Variants in RASSF8 observed in about 807,000 individuals in gnomAD.
The protein encoded by RASSF8 is ras association domain-containing protein 8.
RASSF8 carries 22 observed loss-of-function variants against 48.5 expected under a neutral mutation model. The ratio of observed to expected loss-of-function variants is 0.45; its 90% confidence interval spans 0.32 to 0.65. The LOEUF (loss-of-function observed/expected upper bound fraction) is 0.65. Ranked by LOEUF, RASSF8 falls within the 30% of genes least tolerant of loss-of-function variation. The pLI, the probability that RASSF8 is intolerant of heterozygous loss-of-function variation, is 0.03. For missense variants in RASSF8, 418 were observed against 489.2 expected (o/e 0.85, Z 1.37); for synonymous variants, 127 against 171.5 (o/e 0.74, Z 2.03).
At chr12:26,039,550 C>T (rs1943221228) in intron 2 of RASSF8, among the ~76,000 whole-genome samples, 1 of 152,014 alleles carries the variant, frequency 6.6e-6, no homozygotes, top group Admixed American at 6.6e-5. Context: ...TAAGACTTAT[C>T]AACACTATTT....
At chr12:26,060,992 T>A (rs1178969935) in intron 3 of RASSF8, among the ~76,000 whole-genome samples, 2 of 152,148 alleles carry the variant, frequency 1.3e-5, no homozygotes, top group Admixed American at 1.3e-4. Flanking sequence ...CAAATGTCAG[T>A]TAAAATGAAG....
At chr12:25,975,418 G>A (rs138478694) in intron 1 of RASSF8, among the ~76,000 whole-genome samples, 5 of 152,224 alleles carry the variant, frequency 3.3e-5, no homozygotes, top group Non-Finnish European at 7.4e-5. Context: ...CAGCTTTTCC[G>A]GTCTTTGTCC....
At chr12:26,030,110 A>G (rs1942996908) in intron 2 of RASSF8, among the ~76,000 whole-genome samples, 1 of 152,346 alleles carries the variant, frequency 6.6e-6, no homozygotes, top group Middle Eastern at 3.4e-3. Context: ...CCGTATGTCT[A>G]AATTGTCTCA....
At chr12:26,024,421 C>T (rs949570670) in intron 2 of RASSF8, among the ~76,000 whole-genome samples, 4 of 152,214 alleles carry the variant, frequency 2.6e-5, no homozygotes, top group African/African-American at 7.2e-5. Flanking sequence ...ACCAATTCTT[C>T]ATGAACTCTT....
intron 2 of RASSF8, among the ~76,000 whole-genome samples, chr12:26,005,872 A>G (rs750684130): frequency 1.3e-5 from 2 of 152,200 alleles, no homozygotes; most frequent in Admixed American, 1.3e-4. Flanking sequence ...TCCAATTTCA[A>G]TACTTGTGAC....
chr12:25,989,092 C>T (rs1387596015), intron 1 of RASSF8, among the ~76,000 whole-genome samples: 1 of 152,168 alleles, frequency 6.6e-6, no homozygotes, highest in Non-Finnish European at 1.5e-5. Context: ...TTTACAATGT[C>T]TCCTTTGCAG....
At position 26,065,336 on chromosome 12, in the gene RASSF8, T is replaced by C. The variant is rs750961955; in HGVS notation, c.942T>C (p.Asn314=). Residue 314 remains asparagine, a synonymous_variant, in exon 4 of 6, where the codon AAT becomes AAC. Coordinates refer to ENST00000689635, the MANE Select transcript of RASSF8 (RefSeq NM_001394098.1). ...IQGQQSLRLE[N]GIKAVERSLG... ...GCCAGCAGAGTCTGAGGTTGGAAAA[T>C]GGCATCAAAGCTGTGGAAAGATCTC... 6.2e-7 allele frequency: 1 copy of C among 1,613,852 alleles called. No homozygotes were observed. The highest frequency in any genetic ancestry group is 1.3e-5 in the African/African-American group (1 of 74,852).
At chr12:26,046,996 G>C (rs1943385799) in intron 2 of RASSF8, among the ~76,000 whole-genome samples, 1 of 152,212 alleles carries the variant, frequency 6.6e-6, no homozygotes, top group Non-Finnish European at 1.5e-5. Flanking sequence ...GCAGAGTTCA[G>C]GGATTTTCAC....
chr12:26,017,013 AT>A (rs1176742657), intron 2 of RASSF8, among the ~76,000 whole-genome samples: 1 of 151,854 alleles, frequency 6.6e-6, no homozygotes, highest in East Asian at 1.9e-4. Context: ...TTCCACTGGA[AT>A]TTTTTTTCCT....
chr12:25,968,101 G>C (rs1213229591), intron 1 of RASSF8, among the ~76,000 whole-genome samples: 1 of 152,268 alleles, frequency 6.6e-6, no homozygotes, highest in Non-Finnish European at 1.5e-5. Flanking sequence ...CTTCTTACAG[G>C]GGTTGTCTGT....
At chr12:26,060,767 A>G (rs1379620837) in intron 3 of RASSF8, among the ~76,000 whole-genome samples, 2 of 152,198 alleles carry the variant, frequency 1.3e-5, no homozygotes, top group Non-Finnish European at 2.9e-5. Flanking sequence ...CAAAATATCT[A>G]CTATCAGAAA....
chr12:26,009,652 C>T (rs1438207755), intron 2 of RASSF8, among the ~76,000 whole-genome samples: 1 of 152,132 alleles, frequency 6.6e-6, no homozygotes, highest in African/African-American at 2.4e-5. Context: ...TGAGAAGGAA[C>T]CCCAGTAAAG....
At chr12:25,978,085 A>T (rs371716719) in intron 1 of RASSF8, among the ~76,000 whole-genome samples, 44 of 152,154 alleles carry the variant, frequency 2.9e-4, no homozygotes, top group African/African-American at 9.4e-4. Flanking sequence ...ATGCACTTTG[A>T]TGGCATTTTA....
chr12:26,005,760 T>G (rs1942376138), intron 2 of RASSF8, among the ~76,000 whole-genome samples: 1 of 152,192 alleles, frequency 6.6e-6, no homozygotes, highest in Non-Finnish European at 1.5e-5. Flanking sequence ...TTATATCAGC[T>G]AATGCCCTGT....
intron 3 of RASSF8, among the ~76,000 whole-genome samples, chr12:26,063,807 G>T (rs1427199662): frequency 1.3e-5 from 2 of 151,650 alleles, no homozygotes; most frequent in East Asian, 1.9e-4. Context: ...TTCTCTTCAG[G>T]CCCCTCTTTT....
chr12:26,076,737 G>C, downstream of RASSF8, among the ~76,000 whole-genome samples: 1 of 152,184 alleles, frequency 6.6e-6, no homozygotes, highest in Admixed American at 6.5e-5. Flanking sequence ...AAGTGCATGT[G>C]TCTTTATAGT....
chr12:26,059,521 A>G lies in RASSF8; in HGVS notation c.103+4075A>G, dbSNP rs191414848. Among the ~76,000 whole-genome samples, 239 of 152,206 alleles carry G rather than the reference A, an allele frequency of 1.6e-3. 1 individual carries two copies. The highest frequency in any genetic ancestry group is 5.5e-3 in the African/African-American group (227 of 41,536). ...TGATTCTACTTCCTAGCAATAAACA[A>G]TGTTTTTTGTGTACCCATAGATGAG... On this transcript the variant is annotated intron_variant, in intron 3 of 5. Coordinates refer to ENST00000689635, the MANE Select transcript of RASSF8 (RefSeq NM_001394098.1).
At chr12:25,970,098 T>C (rs1453564130) in intron 1 of RASSF8, among the ~76,000 whole-genome samples, 2 of 106,108 alleles carry the variant, frequency 1.9e-5, no homozygotes, top group East Asian at 2.4e-4. Context: ...ACGACCCCAC[T>C]TTTTTTTTTT....
At chr12:26,012,523 C>T (rs1046620189) in intron 2 of RASSF8, among the ~76,000 whole-genome samples, 1 of 152,078 alleles carries the variant, frequency 6.6e-6, no homozygotes, top group East Asian at 1.9e-4. Context: ...CAGTCTCATA[C>T]CAGTGTATCA....
Sources: gnomAD v4.1 joint callset for allele counts (sites outside exome capture counted in the v4.1 genomes callset) on GRCh38, gnomAD v4.1.1 for gene constraint, MANE v1.5 for transcripts, NCBI Gene and HGNC (gene_info 2026-07-23, HGNC 2026-07-21) for gene names.